Variants in CYP3A7 observed in about 807,000 individuals in gnomAD.
CYP3A7 encodes cytochrome P450 3A7.
In CYP3A7, 45 loss-of-function variants were observed where a neutral mutation model predicts 55.2. The observed-to-expected ratio is 0.82, with a 90% CI of 0.64 to 1.05. CYP3A7 has a LOEUF of 1.05. Among genes scored for constraint, CYP3A7 ranks in the 50% least tolerant of loss-of-function variants. The probability of loss-of-function intolerance (pLI) is 0.00; values close to 1 mark genes in which losing one functional copy is unlikely to be tolerated. For synonymous variants in CYP3A7, 180 were observed against 207.4 expected (o/e 0.87, Z 1.13); for missense variants, 548 against 605.3 (o/e 0.91, Z 0.99).
chr7:99,705,601 A>C lies in CYP3A7; in HGVS notation c.1417-6T>G, dbSNP rs201727053. 2.1e-5 allele frequency: 34 copies of C among 1,612,994 alleles called. No individual in the cohort carries two copies. Among genetic ancestry groups the C allele is most frequent in the African/African-American group, 2.7e-5 (2 of 74,906 alleles). On this transcript the variant is annotated splice_region_variant and splice_polypyrimidine_tract_variant and intron_variant, in intron 12 of 12. Coordinates refer to ENST00000336374, the MANE Select transcript of CYP3A7 (RefSeq NM_000765.5). The stretch of plus-strand genomic sequence containing the variant: ...AAGCGTAATTTCAGGGGGATCTGCA[A>C]CAGTTAAACGAGCATATTGAGAAGC...
At chr7:99,714,505 A>C (rs1205540964) in intron 8 of CYP3A7, 50 bp downstream of exon 8, 1 of 1,605,828 alleles carries the variant, frequency 6.2e-7, no homozygotes, top group Admixed American at 1.7e-5. Flanking sequence ...GTATATTTCT[A>C]AAAAATTATG....
intron 12 of CYP3A7, among the ~76,000 whole-genome samples, chr7:99,707,080 G>C (rs1255269137): frequency 6.6e-6 from 1 of 152,262 alleles, no homozygotes; most frequent in East Asian, 1.9e-4. Context: ...GAGGGGCTTG[G>C]GAATTGAACT....
chr7:99,713,768 C>T (rs938931204), intron 8 of CYP3A7, among the ~76,000 whole-genome samples: 3 of 152,110 alleles, frequency 2.0e-5, no homozygotes, highest in Admixed American at 6.5e-5. Flanking sequence ...TTGGTCTTTT[C>T]CCTGGTCCTA....
At chr7:99,733,053 C>T (rs537347552) in intron 1 of CYP3A7, among the ~76,000 whole-genome samples, 22 of 152,294 alleles carry the variant, frequency 1.4e-4, no homozygotes, top group African/African-American at 1.9e-4. Flanking sequence ...GAGAACCCAG[C>T]AGAGACAGCA....
At position 99,715,896 on chromosome 7, in the gene CYP3A7, C is replaced by A. The variant is rs752163066; in HGVS notation, c.532G>T (p.Ala178Ser). Residue 178 changes from alanine (A) to serine (S), a missense_variant, in exon 7 of 13, where the codon GCC becomes TCC. Physicochemically the swap from Ala to Ser is moderately conservative, Grantham distance 99. Transcript: ENST00000336374. ...KPVTLKHVFGAYSMDVITSTS... is the reference protein window; with the variant it reads ...KPVTLKHVFGSYSMDVITSTS... Reference sequence around the variant, plus strand: ...CTAGTGATCACATCCATGCTGTAGGCCCCAAAGACGCTGAGTGGAGAAAGA... The same window carrying A: ...CTAGTGATCACATCCATGCTGTAGGACCCAAAGACGCTGAGTGGAGAAAGA... The A allele has an allele frequency of 1.1e-5, 17 of 1,613,790 alleles. No individual in the cohort carries two copies. The highest frequency in any genetic ancestry group is 1.4e-5 in the Non-Finnish European group (17 of 1,179,808).
At chr7:99,717,997 T>G (rs1271627724) in intron 4 of CYP3A7, among the ~76,000 whole-genome samples, 1 of 152,090 alleles carries the variant, frequency 6.6e-6, no homozygotes, top group Non-Finnish European at 1.5e-5. Flanking sequence ...ACGAGCTCTG[T>G]CTTTATGTTC....
intron 4 of CYP3A7, among the ~76,000 whole-genome samples, chr7:99,718,905 C>T (rs2151516846): frequency 6.6e-6 from 1 of 152,278 alleles, no homozygotes; most frequent in East Asian, 1.9e-4. Flanking sequence ...CATTTACAAT[C>T]ACTCCAACAA....
chr7:99,734,592 TCTC>T (rs1348110643), intron 1 of CYP3A7, among the ~76,000 whole-genome samples: 3 of 152,014 alleles, frequency 2.0e-5, no homozygotes, highest in South Asian at 2.1e-4. Flanking sequence ...TTAAGCTACT[TCTC>T]CTTGAAAATC....
chr7:99,719,549 G>A (rs893115169), intron 4 of CYP3A7, among the ~76,000 whole-genome samples: 1 of 152,060 alleles, frequency 6.6e-6, no homozygotes, highest in African/African-American at 2.4e-5. Flanking sequence ...ATATAGGAAG[G>A]AGGGCTAGGC....
chr7:99,707,353 T>G (rs575129633), intron 12 of CYP3A7, among the ~76,000 whole-genome samples: 44 of 152,346 alleles, frequency 2.9e-4, no homozygotes, highest in Non-Finnish European at 5.9e-4. Context: ...ATTTCTGAGA[T>G]GTTCCAGGCA....
chr7:99,711,157 C>A (rs909901051), intron 9 of CYP3A7, among the ~76,000 whole-genome samples: 1 of 152,176 alleles, frequency 6.6e-6, no homozygotes, highest in Non-Finnish European at 1.5e-5. Context: ...ACCTTCACAG[C>A]TGGGTAATTT....
chr7:99,722,515 T>C (rs971155367), intron 2 of CYP3A7, among the ~76,000 whole-genome samples, 167 bp from the exon 3 acceptor site: 3 of 152,172 alleles, frequency 2.0e-5, no homozygotes, highest in Non-Finnish European at 4.4e-5. Flanking sequence ...AGAGGAGGTA[T>C]TTGAAATGGG....
Position 99,735,143 on chromosome 7 carries a change from G to T in CYP3A7, c.-50C>A, listed in dbSNP as rs371578101. The T allele has an allele frequency of 6.2e-7, 1 of 1,605,922 alleles. No homozygotes were observed. Among genetic ancestry groups the T allele is most frequent in the Non-Finnish European group, 8.5e-7 (1 of 1,173,248 alleles). ...TCCTCTGAGTCTTTTTTTCAGCAGC[G>T]TGCTGCTGTTTGCTGGGCTGTGTGT... On this transcript the variant is annotated 5_prime_UTR_variant, in exon 1 of 13. Transcript: ENST00000336374.
intron 12 of CYP3A7, among the ~76,000 whole-genome samples, chr7:99,707,184 C>T (rs1723630406): frequency 6.6e-6 from 1 of 152,158 alleles, no homozygotes; most frequent in African/African-American, 2.4e-5. Flanking sequence ...TTGGTTGGAG[C>T]TAGGCACCTG....
At chr7:99,727,173 A>G (rs2687137) in intron 2 of CYP3A7, among the ~76,000 whole-genome samples, 115,895 of 152,086 alleles carry the variant, frequency 0.76, 47,119 homozygotes, top group Non-Finnish European at 0.91. Context: ...ACACACAGCC[A>G]AAGTGCAGGG....
intron 2 of CYP3A7, among the ~76,000 whole-genome samples, chr7:99,729,266 T>C (rs1199489129): frequency 6.6e-6 from 1 of 152,162 alleles, no homozygotes; most frequent in East Asian, 1.9e-4. Flanking sequence ...ACAACAAATA[T>C]TACTTTTAAC....
chr7:99,717,662 T>G (rs982364453), intron 4 of CYP3A7, 23 bp from the exon 5 acceptor site: 2 of 1,612,426 alleles, frequency 1.2e-6, no homozygotes, highest in Non-Finnish European at 1.7e-6. Flanking sequence ...GCAGAAAGAT[T>G]TTGTCCTACA....
At chr7:99,723,822 G>A (rs1252271451) in intron 2 of CYP3A7, among the ~76,000 whole-genome samples, 1 of 152,142 alleles carries the variant, frequency 6.6e-6, no homozygotes, top group African/African-American at 2.4e-5. Context: ...AGAGACGGAG[G>A]AGATACGTTT....
rs777212283 is a variant in CYP3A7, at chr7:99,710,767, C to T, written c.991G>A (p.Val331Met). 1 of 1,613,784 alleles carries T rather than the reference C, an allele frequency of 6.2e-7. No individual in the cohort carries two copies. Among genetic ancestry groups the T allele is most frequent in the Non-Finnish European group, 8.5e-7 (1 of 1,179,880 alleles). Reference sequence around the variant, plus strand: ...AAAACTGTATCAATTTCCTTCTGCACTTTCTGCTGGACATCAGGGTGAGTG... The same window carrying T: ...AAAACTGTATCAATTTCCTTCTGCATTTTCTGCTGGACATCAGGGTGAGTG... ...LATHPDVQQKVQKEIDTVLPN... is the reference protein window; with the variant it reads ...LATHPDVQQKMQKEIDTVLPN... The change falls in exon 10 of 13, where the codon GTG (valine) becomes ATG (methionine). Residue 331 changes from valine (V) to methionine (M), a missense_variant. Physicochemically the swap from Val to Met is conservative, Grantham distance 21. Coordinates refer to ENST00000336374, the MANE Select transcript of CYP3A7 (RefSeq NM_000765.5).
Sources: allele counts gnomAD v4.1 joint callset (sites outside exome capture counted in the v4.1 genomes callset), GRCh38; gene constraint gnomAD v4.1.1; transcripts MANE v1.5; gene names NCBI Gene and HGNC (gene_info 2026-07-23, HGNC 2026-07-21).